CDH13: variants seen among roughly 807,000 people sequenced by gnomAD.
CDH13 encodes cadherin 13.
CDH13 carries 24 observed loss-of-function variants against 63.8 expected under a neutral mutation model. That is an observed-to-expected ratio of 0.38 (90% CI 0.27 to 0.53). The LOEUF (loss-of-function observed/expected upper bound fraction) is 0.53, where lower values mean the gene tolerates loss of function less well. Among genes scored for constraint, CDH13 ranks in the 20% least tolerant of loss-of-function variants. CDH13 has a pLI of 0.85. For missense variants in CDH13, 1,049 were observed against 903.1 expected (o/e 1.16, Z -2.07); for synonymous variants, 503 against 355.3 (o/e 1.42, Z -4.67).
Position 83,362,844 on chromosome 16 carries a change from T to C in CDH13, c.781+17838T>C, listed in dbSNP as rs143487149. 9.2e-3 allele frequency among the ~76,000 whole-genome samples: 1,399 copies of C among 152,282 alleles called. 17 individuals carry two copies. The highest frequency in any genetic ancestry group is 0.031 in the African/African-American group (1,299 of 41,566). On this transcript the variant is annotated intron_variant, in intron 6 of 13. Transcript: ENST00000567109. ...CCCCAGCCAAGGCTGTGCATATAAA[T>C]AGGAAATGTTGATTTTATTGCTTAT...
intron 1 of CDH13, among the ~76,000 whole-genome samples, chr16:82,645,049 C>G (rs1597206036): frequency 6.6e-6 from 1 of 152,150 alleles, no homozygotes. Context: ...TCAGAGGGCT[C>G]TTCCCAAACC....
intron 6 of CDH13, among the ~76,000 whole-genome samples, chr16:83,442,109 C>A (rs988854839): frequency 1.3e-5 from 2 of 152,112 alleles, no homozygotes; most frequent in Admixed American, 1.3e-4. Context: ...CCAACTCTGA[C>A]GCAAAGCATG....
chr16:83,307,854 C>T (rs1488655030), intron 5 of CDH13, among the ~76,000 whole-genome samples: 1 of 152,166 alleles, frequency 6.6e-6, no homozygotes, highest in Non-Finnish European at 1.5e-5. Flanking sequence ...CGGTAATATG[C>T]GTGCTGCCGT....
At chr16:83,508,303 A>C (rs952874147) in intron 7 of CDH13, 1 of 154,694 alleles carries the variant, frequency 6.5e-6, no homozygotes, top group African/African-American at 2.4e-5. Flanking sequence ...AGCAGTGAGA[A>C]GATGGGGTAA....
intron 8 of CDH13, among the ~76,000 whole-genome samples, chr16:83,650,184 A>G (rs778916603): frequency 5.9e-5 from 9 of 152,254 alleles, no homozygotes; most frequent in Non-Finnish European, 1.0e-4. Flanking sequence ...TATAAAATGT[A>G]TTTATTGAAA....
At chr16:82,983,016 A>C (rs932638347) in intron 2 of CDH13, among the ~76,000 whole-genome samples, 1 of 152,188 alleles carries the variant, frequency 6.6e-6, no homozygotes, top group African/African-American at 2.4e-5. Flanking sequence ...CACGACTGAC[A>C]TGTGACCCCA....
chr16:83,518,093 A>C (rs1479998816), intron 7 of CDH13, among the ~76,000 whole-genome samples: 1 of 152,154 alleles, frequency 6.6e-6, no homozygotes, highest in Non-Finnish European at 1.5e-5. Flanking sequence ...GGGGGTGGTT[A>C]ACCTCATGCT....
intron 1 of CDH13, among the ~76,000 whole-genome samples, chr16:82,695,474 G>T (rs1293577347): frequency 6.6e-6 from 1 of 152,076 alleles, no homozygotes; most frequent in East Asian, 1.9e-4. Flanking sequence ...GTTAGCACGT[G>T]GCTCCAATGG....
chr16:83,203,024 G>A (rs761080461), intron 4 of CDH13, among the ~76,000 whole-genome samples: 28 of 152,058 alleles, frequency 1.8e-4, no homozygotes, highest in African/African-American at 5.1e-4. Flanking sequence ...TCACAAGTTC[G>A]AGACCAGCCT....
At chr16:83,115,372 T>G (rs1220829074) in intron 3 of CDH13, among the ~76,000 whole-genome samples, 1 of 152,216 alleles carries the variant, frequency 6.6e-6, no homozygotes, top group East Asian at 1.9e-4. Context: ...TGGCAGTATT[T>G]TCTATGGCAG....
intron 2 of CDH13, among the ~76,000 whole-genome samples, chr16:82,886,786 C>G (rs538702134): frequency 6.6e-6 from 1 of 152,220 alleles, no homozygotes; most frequent in East Asian, 1.9e-4. Context: ...TGCTGATGGG[C>G]TTGAGTCCAT....
intron 5 of CDH13, among the ~76,000 whole-genome samples, chr16:83,227,592 T>G (rs762046540): frequency 6.6e-6 from 1 of 152,150 alleles, no homozygotes; most frequent in Non-Finnish European, 1.5e-5. Flanking sequence ...TGCTTCCTGT[T>G]TAATTGAAGC....
chr16:83,540,676 C>G (rs538706471), intron 7 of CDH13, among the ~76,000 whole-genome samples: 2 of 152,310 alleles, frequency 1.3e-5, no homozygotes, highest in South Asian at 2.1e-4. Flanking sequence ...CAAGTAGTAA[C>G]TGTTGTCATG....
chr16:83,267,712 G>A (rs1329713587), intron 5 of CDH13, among the ~76,000 whole-genome samples: 7 of 152,134 alleles, frequency 4.6e-5, no homozygotes, highest in South Asian at 2.1e-4. Context: ...AGGAGGCCTC[G>A]CCTGTTGTGG....
In CDH13 at chr16:83,504,602, G is replaced by A. The variant is rs1008672414; in HGVS notation, c.960+17947G>A. On this transcript the variant is annotated intron_variant, in intron 7 of 13. Transcript: ENST00000567109. ...ATTCTAGCAAGATGGGACCCACTCCGGGTGCTGTGCCCATTCTCAGTGCCA... is the reference window on the plus strand; with the variant it reads ...ATTCTAGCAAGATGGGACCCACTCCAGGTGCTGTGCCCATTCTCAGTGCCA... Among the ~76,000 whole-genome samples the A allele has an allele frequency of 9.9e-5, 15 of 152,164 alleles. 1 individual carries two copies. The highest frequency in any genetic ancestry group is 3.9e-4 in the Admixed American group (6 of 15,270).
At chr16:83,719,784 C>G (rs1598576381) in intron 10 of CDH13, among the ~76,000 whole-genome samples, 2 of 152,288 alleles carry the variant, frequency 1.3e-5, no homozygotes, top group African/African-American at 4.8e-5. Flanking sequence ...ACCAATCCCA[C>G]TCCCTCTCCA....
chr16:83,651,688 C>A (rs1912395056), intron 8 of CDH13, among the ~76,000 whole-genome samples: 1 of 150,652 alleles, frequency 6.6e-6, no homozygotes, highest in South Asian at 2.1e-4. Flanking sequence ...CTCTGCCTCC[C>A]AGGTTCAAGA....
chr16:83,508,495 G>C (rs1321414045), intron 7 of CDH13: 2 of 152,788 alleles, frequency 1.3e-5, no homozygotes, highest in Non-Finnish European at 2.9e-5. Flanking sequence ...TGCCTGCCTG[G>C]ACTTTCCTCT....
At chr16:83,014,761 T>TATATATATATGTATATATATATAC (rs1567745619) in intron 2 of CDH13, among the ~76,000 whole-genome samples, 1 of 52,850 alleles carries the variant, frequency 1.9e-5, no homozygotes, top group Admixed American at 2.7e-4. Context: ...TATATATATA[T>TATATATATATGTATATATATATAC]ATATATATAT....
Sources: allele counts gnomAD v4.1 joint callset (sites outside exome capture counted in the v4.1 genomes callset), GRCh38; gene constraint gnomAD v4.1.1; transcripts MANE v1.5; gene names NCBI Gene and HGNC (gene_info 2026-07-23, HGNC 2026-07-21).